HYKK: variants seen among roughly 807,000 people sequenced by gnomAD.
HYKK encodes the protein 5-hydroxy-L-lysine kinase.
A neutral mutation model predicts 29.7 loss-of-function variants in HYKK; 19 were observed. That is an observed-to-expected ratio of 0.64 (90% CI 0.45 to 0.94). HYKK has a LOEUF of 0.94. HYKK is among the 40% of genes least tolerant of loss of function. The probability of loss-of-function intolerance (pLI) is 0.00; values close to 1 mark genes in which losing one functional copy is unlikely to be tolerated. For synonymous variants in HYKK, 152 were observed against 158.1 expected (o/e 0.96, Z 0.29); for missense variants, 390 against 443.4 (o/e 0.88, Z 1.08).
Position 78,513,380 on chromosome 15 carries a change from G to C in HYKK, c.292G>C (p.Val98Leu). ...LKAAGFPTAS[V>L]CHTKGDNTAS... The stretch of plus-strand genomic sequence containing the variant: ...AGCCGCTGGATTTCCAACAGCCTCT[G>C]TGTGTCACACTAAAGGAGACAACAC... The change falls in exon 2 of 5, where the codon GTG becomes CTG. Residue 98 changes from valine to leucine, a missense_variant. By Grantham distance (32) the Val-to-Leu change is conservative. Coordinates refer to ENST00000388988, the MANE Select transcript of HYKK (RefSeq NM_001013619.4). 6.2e-7 allele frequency: 1 copy of C among 1,614,164 alleles called. No homozygotes were observed. The highest frequency in any genetic ancestry group is 8.5e-7 in the Non-Finnish European group (1 of 1,180,036).
rs1170402312 is a variant in HYKK, at chr15:78,533,606, A to G, written c.1058A>G (p.Gln353Arg). The G allele has an allele frequency of 6.2e-7, 1 of 1,614,144 alleles. No homozygotes were observed. Among genetic ancestry groups the G allele is most frequent in the Non-Finnish European group, 8.5e-7 (1 of 1,180,052 alleles). ...TTACAGCAAATGTTTGACATGGGTC[A>G]GAAAGCTGTAGAAGAAATCTGGTTT... ...KHLQQMFDMG[Q>R]KAVEEIWFET... Residue 353 changes from glutamine to arginine, a missense_variant, in exon 5 of 5, where the codon CAG becomes CGG. Transcript: ENST00000388988.
intron 3 of HYKK, among the ~76,000 whole-genome samples, chr15:78,521,392 A>C (rs2052194752): frequency 6.6e-6 from 1 of 152,128 alleles, no homozygotes; most frequent in Non-Finnish European, 1.5e-5. Flanking sequence ...CACAAGATGC[A>C]TGGGAAATGG....
At chr15:78,511,985 C>A (rs1195914761) in intron 1 of HYKK, among the ~76,000 whole-genome samples, 1 of 152,192 alleles carries the variant, frequency 6.6e-6, no homozygotes, top group Admixed American at 6.5e-5. Context: ...TTTCATAGGT[C>A]ACAAACTCAA....
At position 78,519,210 on chromosome 15, in the gene HYKK, A is replaced by G. The variant is rs572540647; in HGVS notation, c.477+4103A>G. Among the ~76,000 whole-genome samples the G allele has an allele frequency of 5.3e-5, 8 of 152,276 alleles. No homozygotes were observed. The South Asian group carries it at 1.7e-3, about 32-fold the overall frequency. On this transcript the variant is annotated intron_variant, in intron 3 of 4. Coordinates refer to ENST00000388988, the MANE Select transcript of HYKK (RefSeq NM_001013619.4). ...TATAAACCCACAGACCTTTTTCTAT[A>G]CTTACAATAATCACCATTTTATATT...
chr15:78,527,432 A>G lies in HYKK; in HGVS notation c.530A>G (p.Asn177Ser). 1 of 1,614,106 alleles carries G rather than the reference A, an allele frequency of 6.2e-7. No homozygotes were observed. Among genetic ancestry groups the G allele is most frequent in the Non-Finnish European group, 8.5e-7 (1 of 1,179,950 alleles). Reference sequence around the variant, plus strand: ...CTTCATCGGGAGAACTTCATCTGGAATCTGAAAAATGTTCCTCTTCTGGAG... The same window carrying G: ...CTTCATCGGGAGAACTTCATCTGGAGTCTGAAAAATGTTCCTCTTCTGGAG... ...SSLHRENFIW[N>S]LKNVPLLEKY... Residue 177 changes from asparagine to serine, a missense_variant, in exon 4 of 5, where the codon AAT (asparagine) becomes AGT (serine). Transcript: ENST00000388988.
At position 78,511,406 on chromosome 15, in the gene HYKK, C is replaced by G. The variant is rs532010710; in HGVS notation, c.-5-1678C>G. ...AGAGAAAGAAAACAGTCTCCTCCCC[C>G]GCCCATGTATCCAAATCATACTTAA... On this transcript the variant is annotated intron_variant, in intron 1 of 4. Coordinates refer to ENST00000388988, the MANE Select transcript of HYKK (RefSeq NM_001013619.4). 2.0e-5 allele frequency among the ~76,000 whole-genome samples: 3 copies of G among 152,008 alleles called. No homozygotes were observed. In the South Asian group the frequency reaches 6.2e-4, roughly 32 times the overall value.
At chr15:78,509,997 A>T (rs1366851784) in intron 1 of HYKK, among the ~76,000 whole-genome samples, 2 of 152,182 alleles carry the variant, frequency 1.3e-5, no homozygotes, top group Non-Finnish European at 2.9e-5. Flanking sequence ...GGGTAGGAGG[A>T]TCAGGGAAGG....
chr15:78,507,784 C>T (rs2052028469), intron 1 of HYKK, 113 bp downstream of exon 1: 1 of 152,414 alleles, frequency 6.6e-6, no homozygotes, highest in African/African-American at 2.4e-5. Context: ...AGTCCTATGC[C>T]TCAGGCTCCT....
chr15:78,513,438 C>T lies in HYKK; in HGVS notation c.337+13C>T, dbSNP rs371998940. The T allele has an allele frequency of 4.7e-5, 74 of 1,579,154 alleles. No homozygotes were observed. Among genetic ancestry groups the T allele is most frequent in the Non-Finnish European group, 5.9e-5 (68 of 1,155,520 alleles). ...CTCGTGTCTGTAGGTAAGAGATGAC[C>T]AATTCGCCGATCCATTACCTATCCA... On this transcript the variant is annotated intron_variant, in intron 2 of 4. Transcript: ENST00000388988.
chr15:78,526,839 T>C (rs1200646193), intron 3 of HYKK, among the ~76,000 whole-genome samples: 1 of 152,138 alleles, frequency 6.6e-6, no homozygotes, highest in African/African-American at 2.4e-5. Flanking sequence ...TGAGTTAAAG[T>C]AAATGGGGCA....
chr15:78,531,304 T>C (rs2052309793), intron 4 of HYKK, among the ~76,000 whole-genome samples: 4 of 152,210 alleles, frequency 2.6e-5, no homozygotes, highest in African/African-American at 9.6e-5. Context: ...GAATGGTTCA[T>C]GTGTGCTTTA....
chr15:78,513,036 A>G lies in HYKK; in HGVS notation c.-5-48A>G, dbSNP rs1469499744. On this transcript the variant is annotated intron_variant, in intron 1 of 4. Transcript: ENST00000388988. ...CTTGAGAAAAATCATTTAAATAAAT[A>G]TATTCATCCTGTGTCCCCTTTCTGT... 4.2e-6 allele frequency: 4 copies of G among 949,438 alleles called. No individual in the cohort carries two copies. In the South Asian group the frequency reaches 4.5e-5, roughly 11 times the overall value. 58.8% of individuals were successfully genotyped at this position (949,438 alleles called of 1,614,324 possible).
At chr15:78,526,310 C>T (rs2052254041) in intron 3 of HYKK, among the ~76,000 whole-genome samples, 1 of 152,122 alleles carries the variant, frequency 6.6e-6, no homozygotes, top group Non-Finnish European at 1.5e-5. Flanking sequence ...AGCTTATATT[C>T]TAGTGAGAGT....
chr15:78,508,101 CT>C (rs2052032865), intron 1 of HYKK, among the ~76,000 whole-genome samples: 1 of 152,194 alleles, frequency 6.6e-6, no homozygotes, highest in African/African-American at 2.4e-5. Flanking sequence ...TCACCCACCA[CT>C]TTTTCCCCTT....
At position 78,515,840 on chromosome 15, in the gene HYKK, G is replaced by A. The variant is rs561600238; in HGVS notation, c.477+733G>A. On this transcript the variant is annotated intron_variant, in intron 3 of 4. Coordinates refer to ENST00000388988, the MANE Select transcript of HYKK (RefSeq NM_001013619.4). The stretch of plus-strand genomic sequence containing the variant: ...CCTGACCTCGTGATCCACCCGCCTC[G>A]GCCTCCCAAAGTGCTGGGATTACAG... Among the ~76,000 whole-genome samples, 9 of 152,102 alleles carry A rather than the reference G, an allele frequency of 5.9e-5. No individual in the cohort carries two copies. The East Asian group carries it at 7.7e-4, about 13-fold the overall frequency.
At chr15:78,523,071 C>T (rs573680768) in intron 3 of HYKK, among the ~76,000 whole-genome samples, 1 of 152,208 alleles carries the variant, frequency 6.6e-6, no homozygotes, top group South Asian at 2.1e-4. Context: ...AAAGCCATCT[C>T]AATAAGGGTA....
chr15:78,523,451 C>T (rs1468365114), intron 3 of HYKK, among the ~76,000 whole-genome samples: 1 of 152,172 alleles, frequency 6.6e-6, no homozygotes, highest in Non-Finnish European at 1.5e-5. Context: ...CTACCAGGCC[C>T]CACCTCCAAT....
chr15:78,537,269 A>G (rs1472368111), downstream of HYKK: 2 of 636,954 alleles, frequency 3.1e-6, no homozygotes, highest in Non-Finnish European at 5.8e-6. Context: ...TATAATACAT[A>G]AATTAAATAT....
At chr15:78,527,336 G>A in intron 3 of HYKK, 44 bp from the exon 4 acceptor site, 2 of 1,561,812 alleles carry the variant, frequency 1.3e-6, no homozygotes, top group Non-Finnish European at 1.8e-6. Context: ...TCTCAGCAGT[G>A]GTTGCTCTGT....
Sources: gnomAD v4.1 joint callset for allele counts (sites outside exome capture counted in the v4.1 genomes callset) on GRCh38, gnomAD v4.1.1 for gene constraint, MANE v1.5 for transcripts, NCBI Gene and HGNC (gene_info 2026-07-23, HGNC 2026-07-21) for gene names.